Variants in SAXO1 observed in about 807,000 individuals in gnomAD.
The protein encoded by SAXO1 is 4930500O09Rik.
In SAXO1, 21 loss-of-function variants were observed where a neutral mutation model predicts 17.5. That is an observed-to-expected ratio of 1.20 (90% CI 0.85 to 1.72). The LOEUF (loss-of-function observed/expected upper bound fraction) is 1.72. Among genes scored for constraint, SAXO1 ranks in the 40% most tolerant of loss-of-function variants. The pLI, the probability that SAXO1 is intolerant of heterozygous loss-of-function variation, is 0.00. For missense variants in SAXO1, 843 were observed against 596.0 expected (o/e 1.41, Z -4.32); for synonymous variants, 274 against 216.5 (o/e 1.27, Z -2.33).
At chr9:18,997,148 C>T (rs1258233700) in intron 1 of SAXO1, among the ~76,000 whole-genome samples, 1 of 152,230 alleles carries the variant, frequency 6.6e-6, no homozygotes, top group Non-Finnish European at 1.5e-5. Flanking sequence ...GGCATTGCCT[C>T]ACCCAGGAAG....
At chr9:18,986,853 C>A (rs1833615440) in intron 1 of SAXO1, among the ~76,000 whole-genome samples, 1 of 152,114 alleles carries the variant, frequency 6.6e-6, no homozygotes. Flanking sequence ...GGGACAACAG[C>A]AAAGGGCATT....
chr9:18,965,066 T>C (rs990993819), intron 1 of SAXO1, among the ~76,000 whole-genome samples: 2 of 152,216 alleles, frequency 1.3e-5, no homozygotes, highest in Non-Finnish European at 2.9e-5. Flanking sequence ...TCGTGCAGTT[T>C]TGAGTGAGTT....
At position 18,928,781 on chromosome 9, in the gene SAXO1, G is replaced by A; in HGVS notation, c.696C>T (p.Ile232=). The A allele has an allele frequency of 2.5e-6, 4 of 1,614,130 alleles. No homozygotes were observed. Among genetic ancestry groups the A allele is most frequent in the Non-Finnish European group, 3.4e-6 (4 of 1,180,048 alleles). The change falls in exon 4 of 4, where the codon ATC becomes ATT. Residue 232 remains isoleucine, a synonymous_variant. Coordinates refer to ENST00000380534, the MANE Select transcript of SAXO1 (RefSeq NM_153707.4). The part of the protein sequence containing the change: ...HEAEKFRPCE[I]PFESLTTQKQ... ...TTTGAGTGGTAAGGCTTTCAAAGGG[G>A]ATTTCACAGGGCCTGAACTTCTCTG...
Position 19,013,543 on chromosome 9 carries a change from T to TTTC in SAXO1, c.38+19327_38+19328insGAA, listed in dbSNP as rs1410879439. Among the ~76,000 whole-genome samples the TTTC allele has an allele frequency of 3.0e-3, 373 of 123,556 alleles. 4 individuals are homozygous for TTTC. Among genetic ancestry groups the TTTC allele is most frequent in the African/African-American group, 0.012 (353 of 29,178 alleles). 81.1% of individuals were successfully genotyped at this position (123,556 alleles called of 152,430 possible). Reference sequence around the variant, plus strand: ...TCAGAAGAAACTAAAAGTACGGATTTTTTTTTTTTTTTTTTTTTTTTGAGA... The same window carrying TTTC: ...TCAGAAGAAACTAAAAGTACGGATTTTTCTTTTTTTTTTTTTTTTTTTTTGAGA... On this transcript the variant is annotated intron_variant, in intron 1 of 3. Coordinates refer to ENST00000380534, the MANE Select transcript of SAXO1 (RefSeq NM_153707.4).
intron 3 of SAXO1, among the ~76,000 whole-genome samples, chr9:18,929,764 G>C (rs759581164): frequency 3.3e-5 from 5 of 152,198 alleles, no homozygotes; most frequent in Non-Finnish European, 5.9e-5. Context: ...TGCAGAAACA[G>C]ATATACAGAA....
At chr9:19,022,337 G>A (rs921683299) in intron 1 of SAXO1, among the ~76,000 whole-genome samples, 6 of 152,224 alleles carry the variant, frequency 3.9e-5, no homozygotes, top group Non-Finnish European at 5.9e-5. Context: ...CACTGCGAGA[G>A]TCTGCGGCTT....
At chr9:18,935,261 G>A (rs1831235190) in intron 3 of SAXO1, among the ~76,000 whole-genome samples, 1 of 152,154 alleles carries the variant, frequency 6.6e-6, no homozygotes, top group South Asian at 2.1e-4. Context: ...GCCAATGATT[G>A]GTCAGAAGTT....
intron 1 of SAXO1, among the ~76,000 whole-genome samples, chr9:19,029,275 G>A (rs1427085818): frequency 1.3e-5 from 2 of 152,212 alleles, no homozygotes; most frequent in Non-Finnish European, 2.9e-5. Context: ...GAGAGAAGGG[G>A]GAATAAATGT....
chr9:18,973,675 TG>T (rs1389715377), intron 1 of SAXO1, among the ~76,000 whole-genome samples: 1 of 152,232 alleles, frequency 6.6e-6, no homozygotes, highest in Non-Finnish European at 1.5e-5. Context: ...CTACTTAAGC[TG>T]GTATCCCTGG....
intron 1 of SAXO1, among the ~76,000 whole-genome samples, chr9:18,999,417 C>A (rs1175915314): frequency 3.3e-5 from 5 of 152,216 alleles, no homozygotes; most frequent in South Asian, 2.1e-4. Context: ...AGCCGCCCCA[C>A]CATCTGGGAA....
chr9:19,013,691 C>T (rs1243552475), intron 1 of SAXO1, among the ~76,000 whole-genome samples: 3 of 151,908 alleles, frequency 2.0e-5, no homozygotes, highest in African/African-American at 7.3e-5. Context: ...GAATTACAGG[C>T]GTGCATCACC....
At chr9:19,025,179 G>A (rs777008976) in intron 1 of SAXO1, among the ~76,000 whole-genome samples, 2 of 152,024 alleles carry the variant, frequency 1.3e-5, no homozygotes, top group Non-Finnish European at 2.9e-5. Context: ...CAATCTTAAC[G>A]TGAAAGTTTT....
chr9:18,958,616 C>T (rs1008165029), intron 1 of SAXO1, among the ~76,000 whole-genome samples: 10 of 151,918 alleles, frequency 6.6e-5, no homozygotes, highest in African/African-American at 2.4e-4. Context: ...GAGTGCCACG[C>T]TGGAAGGATT....
chr9:19,041,426 G>A (rs7874786), intron 1 of SAXO1, among the ~76,000 whole-genome samples: 129,046 of 152,162 alleles, frequency 0.85, 55,062 homozygotes, highest in African/African-American at 0.94. Context: ...AACATTCTGC[G>A]CAGAAATAGA....
intron 1 of SAXO1, chr9:19,027,889 C>G: frequency 1.5e-6 from 2 of 1,366,332 alleles, no homozygotes; most frequent in Non-Finnish European, 2.1e-6. Context: ...ACCGCAAGAT[C>G]GAGTGCCTGG....
intron 1 of SAXO1, among the ~76,000 whole-genome samples, chr9:18,958,398 T>C (rs1210968396): frequency 6.6e-6 from 1 of 152,140 alleles, no homozygotes; most frequent in Non-Finnish European, 1.5e-5. Flanking sequence ...CGCTCCTGCC[T>C]GGGCAACAGA....
chr9:18,999,529 C>A (rs1264040795), intron 1 of SAXO1, among the ~76,000 whole-genome samples: 12 of 146,844 alleles, frequency 8.2e-5, no homozygotes, highest in Non-Finnish European at 1.2e-4. Flanking sequence ...TCTGCCCGGC[C>A]GCCACACCGT....
chr9:18,938,293 T>G (rs1831383068), intron 3 of SAXO1, among the ~76,000 whole-genome samples: 2 of 152,176 alleles, frequency 1.3e-5, no homozygotes, highest in South Asian at 4.1e-4. Context: ...GATTGGGTAA[T>G]TTATAAAGAA....
At chr9:19,036,271 A>G (rs1835935928), upstream of SAXO1, among the ~76,000 whole-genome samples, 1 of 150,830 alleles carries the variant, frequency 6.6e-6, no homozygotes, top group South Asian at 2.1e-4. Flanking sequence ...AAAAAAAAAG[A>G]AAGAAAGAAA....
Sources: allele counts gnomAD v4.1 joint callset (sites outside exome capture counted in the v4.1 genomes callset), GRCh38; gene constraint gnomAD v4.1.1; transcripts MANE v1.5; gene names NCBI Gene and HGNC (gene_info 2026-07-23, HGNC 2026-07-21).